Variants in PTPRD observed in about 807,000 individuals in gnomAD.
PTPRD encodes protein tyrosine phosphatase receptor type D.
In PTPRD, 34 loss-of-function variants were observed where a neutral mutation model predicts 214.5. The ratio of observed to expected loss-of-function variants is 0.16; its 90% CI spans 0.12 to 0.21. The LOEUF is 0.21. PTPRD is among the 10% of genes least tolerant of loss of function. The pLI is 1.00. For missense variants in PTPRD, 2,545 were observed against 2,398.7 expected (o/e 1.06, Z -1.27); for synonymous variants, 1,128 against 845.7 (o/e 1.33, Z -5.79).
At chr9:9,114,864 A>G (rs1018219495) in intron 10 of PTPRD, among the ~76,000 whole-genome samples, 3 of 152,130 alleles carry the variant, frequency 2.0e-5, no homozygotes, top group Non-Finnish European at 4.4e-5. Context: ...GGAAGCTCCC[A>G]TGCAGATTAT....
At chr9:9,356,321 C>T (rs947089111) in intron 9 of PTPRD, among the ~76,000 whole-genome samples, 33 of 151,186 alleles carry the variant, frequency 2.2e-4, no homozygotes, top group African/African-American at 8.0e-4. Context: ...AGGAGAGCTG[C>T]TAGAATGAGG....
intron 2 of PTPRD, among the ~76,000 whole-genome samples, chr9:10,516,737 GT>G (rs1327317950): frequency 2.6e-5 from 4 of 151,852 alleles, no homozygotes; most frequent in African/African-American, 9.6e-5. Flanking sequence ...TTCCTTTTCA[GT>G]TTATTGCTGT....
intron 8 of PTPRD, among the ~76,000 whole-genome samples, chr9:9,482,129 G>A (rs1318568093): frequency 6.6e-6 from 1 of 152,000 alleles, no homozygotes; most frequent in Non-Finnish European, 1.5e-5. Context: ...GGTACAGACA[G>A]GTGGGCGAGG....
intron 31 of PTPRD, among the ~76,000 whole-genome samples, chr9:8,467,275 A>G (rs992161416): frequency 6.6e-6 from 1 of 151,924 alleles, no homozygotes; most frequent in African/African-American, 2.4e-5. Flanking sequence ...ATGCTGATCA[A>G]TTATGCACCA....
chr9:8,660,000 C>T (rs1199467699), intron 12 of PTPRD, among the ~76,000 whole-genome samples: 1 of 152,096 alleles, frequency 6.6e-6, no homozygotes, highest in African/African-American at 2.4e-5. Flanking sequence ...TTGTTCAAAA[C>T]AACTTCATCC....
intron 11 of PTPRD, among the ~76,000 whole-genome samples, chr9:8,965,678 A>G (rs2099189413): frequency 6.6e-6 from 1 of 152,132 alleles, no homozygotes; most frequent in Admixed American, 6.6e-5. Flanking sequence ...CACAGTTAAC[A>G]TTATACCAAA....
Position 8,339,018 on chromosome 9 carries a change from T to C in PTPRD, c.5283A>G (p.Glu1761=), listed in dbSNP as rs750379410. 1 of 1,612,206 alleles carries C rather than the reference T, an allele frequency of 6.2e-7. No homozygotes were observed. The highest frequency in any genetic ancestry group is 1.3e-5 in the African/African-American group (1 of 74,944). ...REKCHQYWPA[E]RSARYQYFVV... is the part of the protein sequence containing the mutation. ...CAAAGTACTGGTATCTTGCAGACCG[T>C]TCTGCTGGCCAGTATTGGTGACATT... Residue 1761 remains glutamate (E), a synonymous_variant, in exon 43 of 46, where the codon GAA becomes GAG. Coordinates refer to ENST00000381196, the MANE Select transcript of PTPRD (RefSeq NM_002839.4).
At chr9:9,152,599 A>C (rs1402052944) in intron 10 of PTPRD, among the ~76,000 whole-genome samples, 1 of 152,208 alleles carries the variant, frequency 6.6e-6, no homozygotes, top group Non-Finnish European at 1.5e-5. Context: ...TGGGTGGTGG[A>C]GGTAGGGCTA....
At chr9:8,955,314 T>C (rs1371499171) in intron 11 of PTPRD, among the ~76,000 whole-genome samples, 2 of 151,850 alleles carry the variant, frequency 1.3e-5, no homozygotes, top group African/African-American at 2.4e-5. Context: ...GCTGTCTTCT[T>C]AACAGGAGAT....
chr9:9,956,984 C>T (rs181177945), intron 4 of PTPRD, among the ~76,000 whole-genome samples: 8 of 152,184 alleles, frequency 5.3e-5, no homozygotes, highest in African/African-American at 1.4e-4. Flanking sequence ...AGCTAAGGGT[C>T]AGAACCTAAC....
chr9:10,198,793 T>A (rs1014088574), intron 3 of PTPRD, among the ~76,000 whole-genome samples: 2 of 152,124 alleles, frequency 1.3e-5, no homozygotes, highest in Non-Finnish European at 2.9e-5. Context: ...TTTTATCATA[T>A]GTTTCTTTAC....
intron 8 of PTPRD, among the ~76,000 whole-genome samples, chr9:9,425,446 T>C (rs919949154): frequency 6.8e-6 from 1 of 146,856 alleles, no homozygotes; most frequent in Admixed American, 6.8e-5. Flanking sequence ...CATTATATAA[T>C]TTATAATATA....
chr9:8,324,641 G>C (rs1486721411), intron 44 of PTPRD, among the ~76,000 whole-genome samples: 4 of 152,126 alleles, frequency 2.6e-5, no homozygotes, highest in African/African-American at 9.7e-5. Flanking sequence ...GGGTCAAATG[G>C]TATTTCTGGT....
chr9:8,751,026 T>G (rs916778590), intron 11 of PTPRD, among the ~76,000 whole-genome samples: 4 of 152,216 alleles, frequency 2.6e-5, no homozygotes, highest in Admixed American at 6.5e-5. Context: ...GTGAAGTCTT[T>G]TGACCCTTTA....
chr9:9,753,270 G>C (rs1026741549), intron 6 of PTPRD, among the ~76,000 whole-genome samples: 3 of 151,938 alleles, frequency 2.0e-5, no homozygotes, highest in African/African-American at 7.2e-5. Flanking sequence ...TCATAGCCCA[G>C]AACCAAAACG....
chr9:9,617,429 G>A (rs1264830523), intron 7 of PTPRD, among the ~76,000 whole-genome samples: 2 of 152,168 alleles, frequency 1.3e-5, no homozygotes, highest in African/African-American at 4.8e-5. Flanking sequence ...AAAGTGTCAT[G>A]AATGAACTAT....
intron 9 of PTPRD, among the ~76,000 whole-genome samples, chr9:9,315,448 A>T (rs937148143): frequency 6.6e-6 from 1 of 151,984 alleles, no homozygotes. Flanking sequence ...AAAATTGTAG[A>T]AAAGGAATTT....
intron 11 of PTPRD, among the ~76,000 whole-genome samples, chr9:8,816,116 C>G (rs2096913876): frequency 6.6e-6 from 1 of 152,128 alleles, no homozygotes; most frequent in Non-Finnish European, 1.5e-5. Flanking sequence ...TGATTAAACC[C>G]TTTGTCTCCT....
At chr9:9,369,831 C>A (rs2058948986) in intron 9 of PTPRD, among the ~76,000 whole-genome samples, 1 of 152,156 alleles carries the variant, frequency 6.6e-6, no homozygotes, top group South Asian at 2.1e-4. Context: ...CTACATATGG[C>A]TAGCCAGTTT....
Sources: gnomAD v4.1 joint callset for allele counts (sites outside exome capture counted in the v4.1 genomes callset) on GRCh38, gnomAD v4.1.1 for gene constraint, MANE v1.5 for transcripts, NCBI Gene and HGNC (gene_info 2026-07-23, HGNC 2026-07-21) for gene names.